Variants in ATXN1 observed in about 807,000 individuals in gnomAD.
The protein encoded by ATXN1 is ataxin 1.
In ATXN1, 8 loss-of-function variants were observed where a neutral mutation model predicts 56.4. The ratio of observed to expected loss-of-function variants is 0.14; its 90% CI spans 0.08 to 0.26. ATXN1 has a LOEUF of 0.26. Among genes scored for constraint, ATXN1 ranks in the 10% least tolerant of loss-of-function variants. The pLI is 1.00. For synonymous variants in ATXN1, 514 were observed against 494.6 expected (o/e 1.04, Z -0.52); for missense variants, 987 against 1,106.5 (o/e 0.89, Z 1.53).
chr6:16,353,675 A>AAAAAAGC (rs1182235916), intron 6 of ATXN1, among the ~76,000 whole-genome samples: 11 of 152,240 alleles, frequency 7.2e-5, no homozygotes, highest in Admixed American at 6.5e-4. Flanking sequence ...CCTTGTCTCA[A>AAAAAAGC]AAAAAGCAAA....
At chr6:16,691,951 A>G (rs1389089942) in intron 2 of ATXN1, among the ~76,000 whole-genome samples, 3 of 152,228 alleles carry the variant, frequency 2.0e-5, no homozygotes, top group African/African-American at 7.2e-5. Context: ...AGAAGGTGCC[A>G]TCTGTGAGCC....
intron 2 of ATXN1, among the ~76,000 whole-genome samples, chr6:16,670,238 C>A (rs552755081): frequency 6.6e-6 from 1 of 152,338 alleles, no homozygotes; most frequent in African/African-American, 2.4e-5. Flanking sequence ...TCCAGCAAGT[C>A]TGGCTCTGCC....
At chr6:16,497,664 G>A (rs961531590) in intron 5 of ATXN1, among the ~76,000 whole-genome samples, 3 of 152,268 alleles carry the variant, frequency 2.0e-5, no homozygotes, top group East Asian at 3.9e-4. Context: ...TGCAATGGAC[G>A]AGTCCAGCCT....
At chr6:16,635,015 G>A (rs1350923369) in intron 3 of ATXN1, among the ~76,000 whole-genome samples, 1 of 152,196 alleles carries the variant, frequency 6.6e-6, no homozygotes, top group Non-Finnish European at 1.5e-5. Context: ...CACAACAGGA[G>A]GTGAGCAGTA....
intron 2 of ATXN1, among the ~76,000 whole-genome samples, chr6:16,715,862 C>T (rs1759628445): frequency 6.6e-6 from 1 of 152,154 alleles, no homozygotes; most frequent in African/African-American, 2.4e-5. Flanking sequence ...TCCTGTAACC[C>T]CATACCACGT....
At chr6:16,331,684 A>T (rs1011794328) in intron 6 of ATXN1, among the ~76,000 whole-genome samples, 1 of 152,272 alleles carries the variant, frequency 6.6e-6, no homozygotes, top group Non-Finnish European at 1.5e-5. Context: ...GCAGCGGCAT[A>T]AAAGTCCTTT....
intron 3 of ATXN1, among the ~76,000 whole-genome samples, chr6:16,602,227 C>T (rs1762924415): frequency 6.6e-6 from 1 of 152,024 alleles, no homozygotes; most frequent in South Asian, 2.1e-4. Flanking sequence ...CCATTGGGCC[C>T]CAGGGGTTTC....
intron 2 of ATXN1, among the ~76,000 whole-genome samples, chr6:16,699,711 G>A (rs747548904): frequency 5.3e-4 from 80 of 152,268 alleles, no homozygotes; most frequent in Middle Eastern, 3.4e-3. Context: ...TTTTATTAAC[G>A]TAAGACCTCA....
Position 16,672,449 on chromosome 6 carries a change from G to C in ATXN1, c.-614-14548C>G, listed in dbSNP as rs180984994. On this transcript the variant is annotated intron_variant, in intron 2 of 7. Coordinates refer to ENST00000436367, the MANE Select transcript of ATXN1 (RefSeq NM_001128164.2). Reference sequence around the variant, plus strand: ...GGAGTCTGTGGTAGGCACAACAAGGGACCTTCAAACATACCCACGTCCTAA... The same window carrying C: ...GGAGTCTGTGGTAGGCACAACAAGGCACCTTCAAACATACCCACGTCCTAA... Among the ~76,000 whole-genome samples the C allele has an allele frequency of 1.3e-4, 20 of 152,256 alleles. No individual in the cohort carries two copies. The East Asian group carries it at 3.9e-3, about 29-fold the overall frequency.
chr6:16,679,966 A>T (rs774660677), intron 2 of ATXN1, among the ~76,000 whole-genome samples: 4 of 152,236 alleles, frequency 2.6e-5, no homozygotes, highest in Non-Finnish European at 4.4e-5. Context: ...TCTTTTAAAG[A>T]TAAATATTTA....
chr6:16,701,629 A>G (rs959457252), intron 2 of ATXN1, among the ~76,000 whole-genome samples: 1 of 152,258 alleles, frequency 6.6e-6, no homozygotes, highest in Non-Finnish European at 1.5e-5. Flanking sequence ...AAGCAACGTC[A>G]GCAAAGTCTG....
In ATXN1 at chr6:16,368,343, C is replaced by CTTCTTTTTTT. The variant is rs1354007963; in HGVS notation, c.-160-39874_-160-39873insAAAAAAAGAA. Among the ~76,000 whole-genome samples, 109 of 75,852 alleles carry CTTCTTTTTTT rather than the reference C, an allele frequency of 1.4e-3. 1 individual carries two copies. Among genetic ancestry groups the CTTCTTTTTTT allele is most frequent in the African/African-American group, 4.0e-3 (104 of 25,896 alleles). 49.8% of individuals were successfully genotyped at this position (75,852 alleles called of 152,430 possible). A position where few individuals can be genotyped will look rare whatever the true frequency, so the allele number is the denominator to read the frequency against. Reference sequence around the variant, plus strand: ...TATTTCTTTGGCTTGACTTCTTCTTCTTTTTTTTTTTTTTTTTTTTTTTTG... The same window carrying CTTCTTTTTTT: ...TATTTCTTTGGCTTGACTTCTTCTTCTTCTTTTTTTTTTTTTTTTTTTTTTTTTTTTTTTG... On this transcript the variant is annotated intron_variant, in intron 6 of 7. Coordinates refer to ENST00000436367, the MANE Select transcript of ATXN1 (RefSeq NM_001128164.2).
intron 2 of ATXN1, among the ~76,000 whole-genome samples, chr6:16,690,343 A>G (rs912151263): frequency 6.6e-6 from 1 of 151,850 alleles, no homozygotes; most frequent in Non-Finnish European, 1.5e-5. Flanking sequence ...CTTCAAGTCT[A>G]CTTGGCCCAG....
At chr6:16,575,450 T>G (rs1762404718) in intron 4 of ATXN1, among the ~76,000 whole-genome samples, 1 of 152,218 alleles carries the variant, frequency 6.6e-6, no homozygotes, top group Admixed American at 6.5e-5. Context: ...GATATTTTAT[T>G]CTTTGGGTTA....
chr6:16,758,649 C>G (rs1457018190), intron 1 of ATXN1, among the ~76,000 whole-genome samples: 1 of 152,224 alleles, frequency 6.6e-6, no homozygotes, highest in Non-Finnish European at 1.5e-5. Flanking sequence ...ACAAACCCAC[C>G]TGAATGGACG....
At chr6:16,739,902 A>C (rs1483310596) in intron 2 of ATXN1, 3 of 456,982 alleles carry the variant, frequency 6.6e-6, no homozygotes. Context: ...GTCCACCAGC[A>C]CTTTCTGTTC....
chr6:16,691,987 G>C (rs1196135877), intron 2 of ATXN1, among the ~76,000 whole-genome samples: 1 of 152,250 alleles, frequency 6.6e-6, no homozygotes, highest in East Asian at 1.9e-4. Flanking sequence ...GAATAGGCCG[G>C]GTGTGGTGGC....
chr6:16,441,891 A>G (rs1198842016), intron 6 of ATXN1, among the ~76,000 whole-genome samples: 2 of 152,184 alleles, frequency 1.3e-5, no homozygotes, highest in Non-Finnish European at 2.9e-5. Context: ...TGAGCAAAGA[A>G]AACCCAACAT....
intron 6 of ATXN1, among the ~76,000 whole-genome samples, chr6:16,437,799 T>C (rs77062811): frequency 1.3e-5 from 2 of 152,348 alleles, no homozygotes; most frequent in East Asian, 3.9e-4. Flanking sequence ...GTATAATTAC[T>C]TGATAACCAT....
Sources: allele counts gnomAD v4.1 joint callset (sites outside exome capture counted in the v4.1 genomes callset), GRCh38; gene constraint gnomAD v4.1.1; transcripts MANE v1.5; gene names NCBI Gene and HGNC (gene_info 2026-07-23, HGNC 2026-07-21).